The following SPAG16 variants were observed in gnomAD, a reference collection of about 807,000 sequenced individuals.
The protein encoded by SPAG16 is sperm associated antigen 16.
SPAG16 carries 86 observed loss-of-function variants against 80.4 expected under a neutral mutation model. The ratio of observed to expected loss-of-function variants is 1.07; its 90% CI spans 0.90 to 1.28. The LOEUF is 1.28. SPAG16 is among the 50% of genes most tolerant of loss of function. SPAG16 has a pLI of 0.00. For synonymous variants in SPAG16, 294 were observed against 265.9 expected (o/e 1.11, Z -1.03); for missense variants, 870 against 765.3 (o/e 1.14, Z -1.61).
In SPAG16 at chr2:214,075,255, A is replaced by G. The variant is rs191034330; in HGVS notation, c.1528-32941A>G. ...AGTGTTTCTATCTTCTCTTTCAGTA[A>G]TAATACATTTTGTGGCCCATTTAAT... is the stretch of plus-strand genomic sequence containing the variant. On this transcript the variant is annotated intron_variant, in intron 13 of 15. Transcript: ENST00000331683. 1.1e-3 allele frequency among the ~76,000 whole-genome samples: 170 copies of G among 152,136 alleles called. 1 individual carries two copies. The highest frequency in any genetic ancestry group is 4.0e-3 in the African/African-American group (166 of 41,510).
chr2:213,745,981 A>T (rs934856258), intron 10 of SPAG16, among the ~76,000 whole-genome samples: 3 of 152,180 alleles, frequency 2.0e-5, no homozygotes, highest in Non-Finnish European at 4.4e-5. Context: ...TCATGCTGTT[A>T]TGCTAAGATC....
At chr2:213,359,139 T>C (rs756022302) in intron 7 of SPAG16, among the ~76,000 whole-genome samples, 23 of 152,184 alleles carry the variant, frequency 1.5e-4, no homozygotes, top group Non-Finnish European at 3.2e-4. Context: ...TGATCCTTCT[T>C]CTAGAAGCTT....
At chr2:213,284,657 G>C (rs1181629369) in intron 1 of SPAG16, 38 bp downstream of exon 1, 1 of 1,592,206 alleles carries the variant, frequency 6.3e-7, no homozygotes, top group African/African-American at 1.3e-5. Context: ...CTGCGCTGGC[G>C]GGTAATGGGT....
At chr2:213,895,706 T>C (rs1438515778) in intron 11 of SPAG16, among the ~76,000 whole-genome samples, 2 of 152,108 alleles carry the variant, frequency 1.3e-5, no homozygotes, top group East Asian at 1.9e-4. Context: ...ATTTAATAAA[T>C]GGTACTGGGA....
At chr2:213,916,760 G>C (rs76210443) in intron 11 of SPAG16, among the ~76,000 whole-genome samples, 28,586 of 152,094 alleles carry the variant, frequency 0.19, 3,276 homozygotes, top group South Asian at 0.32. Context: ...TTACTCTGCT[G>C]ACAGTTTCTT....
rs2046605531 is a variant in SPAG16 at position 213,997,908 on chromosome 2, AG to A, written c.1401-16042del. Among the ~76,000 whole-genome samples, 4 of 152,374 alleles carry A rather than the reference AG, an allele frequency of 2.6e-5. No homozygotes were observed. In the South Asian group the frequency reaches 8.3e-4, roughly 32 times the overall value. ...TGGAACCCTTACATTGATACCATCA[AG>A]AATGGTAAGCAAGGTATACACATTT... On this transcript the variant is annotated intron_variant, in intron 12 of 15. Transcript: ENST00000331683.
At chr2:214,375,681 G>T (rs546703039) in intron 15 of SPAG16, among the ~76,000 whole-genome samples, 27 of 152,168 alleles carry the variant, frequency 1.8e-4, no homozygotes, top group Non-Finnish European at 3.1e-4. Context: ...GGTATGCTTT[G>T]TTGTCTAACA....
chr2:214,375,041 T>G (rs893590388), intron 15 of SPAG16, among the ~76,000 whole-genome samples: 1 of 152,148 alleles, frequency 6.6e-6, no homozygotes, highest in African/African-American at 2.4e-5. Flanking sequence ...AGTAAAAGTT[T>G]GAATTTGGGT....
chr2:213,987,045 G>A (rs1459900406), intron 12 of SPAG16, among the ~76,000 whole-genome samples: 1 of 151,970 alleles, frequency 6.6e-6, no homozygotes, highest in Admixed American at 6.6e-5. Flanking sequence ...TATACTTTAT[G>A]GGAATCCCAG....
intron 15 of SPAG16, among the ~76,000 whole-genome samples, chr2:214,164,075 C>T (rs2056557502): frequency 6.6e-6 from 1 of 152,104 alleles, no homozygotes; most frequent in African/African-American, 2.4e-5. Context: ...TTGTGATTGT[C>T]TTGACCTTGT....
At chr2:213,965,687 T>C (rs189777878) in intron 12 of SPAG16, among the ~76,000 whole-genome samples, 1 of 152,352 alleles carries the variant, frequency 6.6e-6, no homozygotes, top group African/African-American at 2.4e-5. Flanking sequence ...TTGTTTTCTA[T>C]AGCACTGTTA....
chr2:214,094,526 C>T (rs994646254), intron 13 of SPAG16, among the ~76,000 whole-genome samples: 2 of 151,908 alleles, frequency 1.3e-5, no homozygotes, highest in African/African-American at 2.4e-5. Flanking sequence ...TCTTAGGCAC[C>T]CTAAAATTTG....
chr2:213,329,378 A>G (rs1385454670), intron 5 of SPAG16, among the ~76,000 whole-genome samples: 1 of 152,162 alleles, frequency 6.6e-6, no homozygotes, highest in African/African-American at 2.4e-5. Context: ...GGCTGAGATG[A>G]TCTCAGATGG....
intron 5 of SPAG16, among the ~76,000 whole-genome samples, chr2:213,339,526 T>A (rs1271650126): frequency 9.2e-5 from 14 of 152,230 alleles, no homozygotes; most frequent in Non-Finnish European, 2.1e-4. Flanking sequence ...TCCTTTAGCT[T>A]GCTTTATGCC....
At chr2:213,513,295 T>C (rs191621166) in intron 10 of SPAG16, among the ~76,000 whole-genome samples, 43 of 152,342 alleles carry the variant, frequency 2.8e-4, no homozygotes, top group Admixed American at 2.4e-3. Context: ...AACCATATTC[T>C]ACCTTCAATG....
At chr2:213,533,763 C>A (rs2125892537) in intron 10 of SPAG16, among the ~76,000 whole-genome samples, 1 of 152,132 alleles carries the variant, frequency 6.6e-6, no homozygotes, top group Non-Finnish European at 1.5e-5. Context: ...TATATAATAT[C>A]TATGATCCTA....
At chr2:213,899,468 A>T (rs1294240350) in intron 11 of SPAG16, among the ~76,000 whole-genome samples, 1 of 152,150 alleles carries the variant, frequency 6.6e-6, no homozygotes, top group Non-Finnish European at 1.5e-5. Flanking sequence ...AATCAATAGA[A>T]TATTAGTAGA....
chr2:214,182,770 T>C (rs2057347669), intron 15 of SPAG16, among the ~76,000 whole-genome samples: 1 of 151,942 alleles, frequency 6.6e-6, no homozygotes, highest in African/African-American at 2.4e-5. Context: ...TAAGAAACGA[T>C]CTCCTTACAA....
At chr2:214,195,303 T>TGATAGATAGATAGATA (rs78351450) in intron 15 of SPAG16, among the ~76,000 whole-genome samples, 51,883 of 146,470 alleles carry the variant, frequency 0.35, 9,458 homozygotes, top group Admixed American at 0.38. Flanking sequence ...AGATGAGAGA[T>TGATAGATAGATAGATA]GATAGATAGA....
Sources: gnomAD v4.1 joint callset for allele counts (sites outside exome capture counted in the v4.1 genomes callset) on GRCh38, gnomAD v4.1.1 for gene constraint, MANE v1.5 for transcripts, NCBI Gene and HGNC (gene_info 2026-07-23, HGNC 2026-07-21) for gene names.